The following PLEKHM3 variants were observed in gnomAD, a reference collection of about 807,000 sequenced individuals.
The protein encoded by PLEKHM3 is pleckstrin homology domain-containing family M member 3.
In PLEKHM3, 45 loss-of-function variants were observed where a neutral mutation model predicts 81.8. That is an observed-to-expected ratio of 0.55 (90% CI 0.43 to 0.71). PLEKHM3 has a LOEUF of 0.71. Among genes scored for constraint, PLEKHM3 ranks in the 30% least tolerant of loss-of-function variants. The pLI, the probability that PLEKHM3 is intolerant of heterozygous loss-of-function variation, is 0.00. For missense variants in PLEKHM3, 788 were observed against 924.3 expected (o/e 0.85, Z 1.91); for synonymous variants, 352 against 356.4 (o/e 0.99, Z 0.14).
At chr2:207,840,805 T>TTTTTTTTTTTTTTTTTTTTTTTTTA (rs1559202758) in intron 7 of PLEKHM3, among the ~76,000 whole-genome samples, 1 of 132,764 alleles carries the variant, frequency 7.5e-6, no homozygotes. Flanking sequence ...TTATGTTTTT[T>TTTTTTTTTTTTTTTTTTTTTTTTTA]TTTTTTTTTT....
At chr2:207,959,539 C>T (rs536265416) in intron 3 of PLEKHM3, among the ~76,000 whole-genome samples, 7 of 152,276 alleles carry the variant, frequency 4.6e-5, no homozygotes, top group Admixed American at 1.3e-4. Flanking sequence ...CATACAGTGT[C>T]CTACCAGGGT....
chr2:207,946,384 C>T lies in PLEKHM3; in HGVS notation c.1675G>A (p.Asp559Asn), dbSNP rs1690130129. 2 of 1,613,934 alleles carry T rather than the reference C, an allele frequency of 1.2e-6. No homozygotes were observed. Among genetic ancestry groups the T allele is most frequent in the South Asian group, 1.1e-5 (1 of 91,008 alleles). Residue 559 changes from aspartate to asparagine, a missense_variant, in exon 4 of 8, where the codon GAT becomes AAT. Asp to Asn is a conservative substitution (Grantham distance 23). Coordinates refer to ENST00000427836, the MANE Select transcript of PLEKHM3 (RefSeq NM_001080475.3). Reference protein sequence around the residue: ...LIPARIVHNWDTSKYKVSKQA... With the variant: ...LIPARIVHNWNTSKYKVSKQA... ...GTACCTACCTTATACTTTGAAGTAT[C>T]CCAGTTGTGGACTATGCGTGCTGGA... is the stretch of plus-strand genomic sequence containing the variant.
chr2:207,933,937 TA>T (rs753335526), intron 4 of PLEKHM3, among the ~76,000 whole-genome samples: 41 of 152,188 alleles, frequency 2.7e-4, no homozygotes, highest in Admixed American at 1.6e-3. Flanking sequence ...AATCAGCCAC[TA>T]ATAATCGGTG....
At chr2:208,003,745 A>G (rs1692394041) in intron 1 of PLEKHM3, among the ~76,000 whole-genome samples, 1 of 152,190 alleles carries the variant, frequency 6.6e-6, no homozygotes, top group South Asian at 2.1e-4. Flanking sequence ...ACTATGTAAC[A>G]GGGTTTTAGT....
At chr2:207,935,739 T>C (rs1388253824) in intron 4 of PLEKHM3, among the ~76,000 whole-genome samples, 4 of 152,214 alleles carry the variant, frequency 2.6e-5, no homozygotes, top group Non-Finnish European at 5.9e-5. Flanking sequence ...TAGCATTGTT[T>C]ATATTCACAA....
At chr2:207,989,831 A>G (rs1338430714) in intron 2 of PLEKHM3, among the ~76,000 whole-genome samples, 2 of 152,190 alleles carry the variant, frequency 1.3e-5, no homozygotes, top group Non-Finnish European at 2.9e-5. Context: ...AGCAAATTGA[A>G]CCCCAGGATT....
chr2:207,845,796 T>C (rs1261795438), intron 7 of PLEKHM3, among the ~76,000 whole-genome samples: 1 of 152,226 alleles, frequency 6.6e-6, no homozygotes, highest in Non-Finnish European at 1.5e-5. Context: ...AGTGTTGTCT[T>C]AGATGGAGCA....
At chr2:207,876,406 T>G (rs1236464046) in intron 6 of PLEKHM3, among the ~76,000 whole-genome samples, 1 of 152,260 alleles carries the variant, frequency 6.6e-6, no homozygotes. Flanking sequence ...TGGTTTTAGA[T>G]GACCTGTGTT....
chr2:208,024,502 TTTAGAGA>T (rs1406829260), intron 1 of PLEKHM3, among the ~76,000 whole-genome samples: 1 of 152,230 alleles, frequency 6.6e-6, no homozygotes, highest in Non-Finnish European at 1.5e-5. Context: ...TACTGATATT[TTTAGAGA>T]CTAGATATAT....
intron 1 of PLEKHM3, among the ~76,000 whole-genome samples, chr2:208,023,082 C>T (rs1006198309): frequency 2.0e-5 from 3 of 151,918 alleles, no homozygotes; most frequent in South Asian, 4.2e-4. Flanking sequence ...CATAACTTTG[C>T]TAACACTGGT....
chr2:207,840,289 A>T (rs2092342861), intron 7 of PLEKHM3, among the ~76,000 whole-genome samples: 1 of 151,924 alleles, frequency 6.6e-6, no homozygotes, highest in Admixed American at 6.6e-5. Flanking sequence ...GACTCAAGGG[A>T]TCCTCCCACC....
chr2:207,923,875 A>G (rs1689276598), intron 5 of PLEKHM3, among the ~76,000 whole-genome samples: 1 of 40,306 alleles, frequency 2.5e-5, no homozygotes, highest in Non-Finnish European at 5.7e-5. Context: ...ACACACACAC[A>G]CACACATATA....
intron 2 of PLEKHM3, among the ~76,000 whole-genome samples, chr2:207,988,340 C>T (rs751607959): frequency 5.5e-4 from 83 of 152,274 alleles, no homozygotes; most frequent in Middle Eastern, 3.4e-3. Flanking sequence ...CCTACGTGAC[C>T]GCTGACAAAT....
At chr2:207,880,392 G>A (rs2092580564) in intron 6 of PLEKHM3, among the ~76,000 whole-genome samples, 1 of 142,680 alleles carries the variant, frequency 7.0e-6, no homozygotes, top group South Asian at 2.3e-4. Flanking sequence ...GGGCGACAGA[G>A]TGAGACTCTG....
intron 7 of PLEKHM3, among the ~76,000 whole-genome samples, chr2:207,858,485 ATT>A (rs59555910): frequency 5.7e-5 from 8 of 141,206 alleles, no homozygotes; most frequent in East Asian, 2.1e-4. Flanking sequence ...ACTAAACATG[ATT>A]TTTTTTTTTT....
At chr2:208,017,388 G>A (rs570743418) in intron 1 of PLEKHM3, among the ~76,000 whole-genome samples, 68 of 152,230 alleles carry the variant, frequency 4.5e-4, no homozygotes, top group African/African-American at 1.4e-3. Flanking sequence ...AGGGAGTGGC[G>A]ACAGAGTTTA....
chr2:207,958,055 G>C (rs762510918), intron 3 of PLEKHM3, among the ~76,000 whole-genome samples: 1 of 152,186 alleles, frequency 6.6e-6, no homozygotes, highest in Non-Finnish European at 1.5e-5. Flanking sequence ...AAAACCCTAT[G>C]ACAACAGAAA....
At chr2:207,894,016 C>T (rs909244377) in intron 6 of PLEKHM3, among the ~76,000 whole-genome samples, 2 of 152,110 alleles carry the variant, frequency 1.3e-5, no homozygotes, top group Non-Finnish European at 2.9e-5. Flanking sequence ...ACATGAGAGA[C>T]TGAGGTGGGA....
chr2:207,861,319 C>T, intron 6 of PLEKHM3, 57 bp from the exon 7 acceptor site: 5 of 1,531,856 alleles, frequency 3.3e-6, no homozygotes, highest in Non-Finnish European at 4.4e-6. Flanking sequence ...AAGTCTTGTA[C>T]ACACAGGAAA....
Sources: gnomAD v4.1 joint callset for allele counts (sites outside exome capture counted in the v4.1 genomes callset) on GRCh38, gnomAD v4.1.1 for gene constraint, MANE v1.5 for transcripts, NCBI Gene and HGNC (gene_info 2026-07-23, HGNC 2026-07-21) for gene names.